The following NEB variants were observed in gnomAD, a reference collection of about 807,000 sequenced individuals.
NEB encodes nemaline myopathy type 2.
NEB carries 512 observed loss-of-function variants against 952.2 expected under a neutral mutation model. The ratio of observed to expected loss-of-function variants is 0.54; its 90% CI spans 0.50 to 0.58. The LOEUF (loss-of-function observed/expected upper bound fraction) is 0.58. NEB is among the 20% of genes least tolerant of loss of function. NEB has a pLI of 0.00. For synonymous variants in NEB, 2,900 were observed against 3,149.8 expected (o/e 0.92, Z 2.66); for missense variants, 8,428 against 9,231.1 (o/e 0.91, Z 3.56).
At position 151,563,937 on chromosome 2, in the gene NEB, C is replaced by T; in HGVS notation, c.18472-7G>A. ...ACGCCCCTTTATACAGTATCTAGAACAAAGAAATACATGGCAACAAAAGTT... is the reference window on the plus strand; with the variant it reads ...ACGCCCCTTTATACAGTATCTAGAATAAAGAAATACATGGCAACAAAAGTT... On this transcript the variant is annotated splice_region_variant and splice_polypyrimidine_tract_variant and intron_variant, in intron 117 of 181. Coordinates refer to ENST00000397345, the MANE Select transcript of NEB (RefSeq NM_001164508.2). 6.3e-7 allele frequency: 1 copy of T among 1,578,030 alleles called. No homozygotes were observed. The highest frequency in any genetic ancestry group is 2.3e-5 in the East Asian group (1 of 43,758).
At chr2:151,578,792 G>A (rs1224991501) in intron 105 of NEB, among the ~76,000 whole-genome samples, 3 of 148,090 alleles carry the variant, frequency 2.0e-5, no homozygotes, top group African/African-American at 7.5e-5. Context: ...GGAAGGAAGG[G>A]CGGGCAAGGC....
At chr2:151,722,159 C>T (rs968257210) in intron 9 of NEB, among the ~76,000 whole-genome samples, 2 of 152,132 alleles carry the variant, frequency 1.3e-5, no homozygotes, top group African/African-American at 4.8e-5. Context: ...TAAGAGGTTC[C>T]AGGGATCTAA....
intron 136 of NEB, among the ~76,000 whole-genome samples, 159 bp from the exon 137 acceptor site, chr2:151,540,960 A>T (rs1169070470): frequency 6.6e-6 from 1 of 151,486 alleles, no homozygotes. Context: ...GTTTCTGTTC[A>T]TTTGTTTCTC....
chr2:151,529,351 T>G, intron 145 of NEB, 37 bp from the exon 146 acceptor site: 2 of 1,295,112 alleles, frequency 1.5e-6, no homozygotes, highest in Non-Finnish European at 1.1e-6. Flanking sequence ...TTAATTTTTT[T>G]ATAGCAGCAT....
intron 72 of NEB, among the ~76,000 whole-genome samples, chr2:151,619,964 T>C (rs2098350069): frequency 1.3e-5 from 2 of 152,230 alleles, no homozygotes; most frequent in South Asian, 4.2e-4. Flanking sequence ...TTATATATGC[T>C]AGAGAATCAT....
rs374410062 is a variant in NEB, at chr2:151,567,399, A to G, written c.17925T>C (p.Val5975=). The change falls in exon 114 of 182, where the codon GTT becomes GTC. Residue 5975 remains valine (V), a synonymous_variant. Transcript: ENST00000397345. ...VPTMRDDPKL[V]WFEHAGQIQN... The stretch of plus-strand genomic sequence containing the variant: ...GAATCTGGCCTGCATGCTCAAACCA[A>G]ACCAGCTTAGGATCATCTCTCATCG... 1.9e-6 allele frequency: 3 copies of G among 1,613,810 alleles called. No individual in the cohort carries two copies. Among genetic ancestry groups the G allele is most frequent in the Non-Finnish European group, 2.5e-6 (3 of 1,179,804 alleles).
At chr2:151,680,902 T>G in intron 29 of NEB, 74 bp from the exon 30 acceptor site, 1 of 1,218,950 alleles carries the variant, frequency 8.2e-7, no homozygotes, top group South Asian at 1.2e-5. Flanking sequence ...TCCTTGAAAT[T>G]TATTTTGAAG....
At chr2:151,710,345 C>T (rs1212982593) in intron 11 of NEB, 89 bp downstream of exon 11, 2 of 780,430 alleles carry the variant, frequency 2.6e-6, no homozygotes, top group Non-Finnish European at 4.1e-6. Context: ...TGTTCTGGCA[C>T]CCATTCAGGT....
intron 13 of NEB, among the ~76,000 whole-genome samples, chr2:151,701,237 CT>C (rs1292367569): frequency 1.4e-5 from 2 of 145,886 alleles, no homozygotes; most frequent in Non-Finnish European, 3.0e-5. Flanking sequence ...GGTGGATAAG[CT>C]TTTTGATGTG....
At chr2:151,519,534 T>G (rs1482098102) in intron 154 of NEB, 124 bp downstream of exon 154, 1 of 729,600 alleles carries the variant, frequency 1.4e-6, no homozygotes, top group Admixed American at 2.7e-5. Flanking sequence ...GAAAACATTT[T>G]GGAAATAGTG....
rs2098709812 is a variant in NEB at position 151,633,687 on chromosome 2, G to T, written c.9381C>A (p.Ile3127=). ...GGAGGTCATAGGCCTGCCGAGCATG[G>T]ATGACATCGCTCTGGTCAGGCAGGC... ...WTCLPDQSDV[I]HARQAYDLQS... The change falls in exon 65 of 182, where the codon ATC becomes ATA. Residue 3127 remains isoleucine, a synonymous_variant. Transcript: ENST00000397345. 7 of 1,613,444 alleles carry T rather than the reference G, an allele frequency of 4.3e-6. No homozygotes were observed. The highest frequency in any genetic ancestry group is 4.0e-5 in the African/African-American group (3 of 74,910).
At chr2:151,548,487 A>G (rs960501905) in intron 130 of NEB, 72 bp from the exon 131 acceptor site, 1 of 1,050,018 alleles carries the variant, frequency 9.5e-7, no homozygotes, top group Admixed American at 1.8e-5. Context: ...TCCAAATAGA[A>G]AAGAGATGTC....
At chr2:151,679,620 A>G (rs773598249) in intron 32 of NEB, 101 bp downstream of exon 32, 3 of 734,306 alleles carry the variant, frequency 4.1e-6, no homozygotes, top group African/African-American at 3.5e-5. Flanking sequence ...TTTGCTTCCA[A>G]TTGGGGACTG....
At chr2:151,703,088 G>A (rs2149654432) in intron 13 of NEB, among the ~76,000 whole-genome samples, 1 of 150,338 alleles carries the variant, frequency 6.7e-6, no homozygotes, top group East Asian at 2.0e-4. Flanking sequence ...TTGCTTGTCT[G>A]TAAAGTATTT....
intron 161 of NEB, among the ~76,000 whole-genome samples, chr2:151,508,964 C>A (rs1474597097): frequency 6.6e-6 from 1 of 152,210 alleles, no homozygotes; most frequent in Non-Finnish European, 1.5e-5. Context: ...ACTGTCCTTT[C>A]ACTTTTCTCT....
chr2:151,629,413 T>C, intron 68 of NEB, 126 bp downstream of exon 68: 1 of 828,994 alleles, frequency 1.2e-6, no homozygotes, highest in Non-Finnish European at 1.9e-6. Flanking sequence ...AAACTTTGAA[T>C]TTGAATTTGA....
chr2:151,557,083 T>G (rs1161012529), intron 124 of NEB, among the ~76,000 whole-genome samples: 2 of 151,894 alleles, frequency 1.3e-5, no homozygotes, highest in Non-Finnish European at 2.9e-5. Flanking sequence ...CCAGGAGCTG[T>G]TTTTTTGAAA....
chr2:151,572,507 TTA>T (rs534894362), intron 107 of NEB, among the ~76,000 whole-genome samples: 232 of 145,206 alleles, frequency 1.6e-3, no homozygotes, highest in African/African-American at 4.1e-3. Flanking sequence ...TATTGAATAT[TTA>T]TATATATATA....
At chr2:151,560,065 A>G (rs907371810) in intron 124 of NEB, among the ~76,000 whole-genome samples, 4 of 152,198 alleles carry the variant, frequency 2.6e-5, no homozygotes, top group African/African-American at 7.2e-5. Context: ...TAAACAGCTC[A>G]TGAGATTTAG....
Sources: allele counts gnomAD v4.1 joint callset (sites outside exome capture counted in the v4.1 genomes callset), GRCh38; gene constraint gnomAD v4.1.1; transcripts MANE v1.5; gene names NCBI Gene and HGNC (gene_info 2026-07-23, HGNC 2026-07-21).